Variants in TEX11 observed in about 807,000 individuals in gnomAD.
TEX11 encodes testis-expressed protein 11.
TEX11 carries 7 observed loss-of-function variants against 84.4 expected under a neutral mutation model. The observed-to-expected ratio is 0.08, with a 90% CI of 0.05 to 0.16. TEX11 has a LOEUF of 0.16. Ranked by LOEUF, TEX11 falls within the 10% of genes least tolerant of loss-of-function variation. TEX11 has a pLI of 1.00. For missense variants in TEX11, 551 were observed against 660.5 expected (o/e 0.83, Z 1.82); for synonymous variants, 264 against 222.8 (o/e 1.18, Z -1.64).
intron 4 of TEX11, among the ~76,000 whole-genome samples, chrX:70,871,532 C>G (rs982528072): frequency 8.9e-6 from 1 of 112,168 alleles, no homozygotes; most frequent in Non-Finnish European, 1.9e-5. Context: ...TCCAGGCACA[C>G]TAAATTTGTT....
In TEX11 at chrX:70,907,113, G is replaced by T. The variant is rs372150393; in HGVS notation, c.37+640C>A. Among the ~76,000 whole-genome samples, 5 of 111,660 alleles carry T rather than the reference G, an allele frequency of 4.5e-5. No homozygotes were observed. In the East Asian group the frequency reaches 8.4e-4, roughly 19 times the overall value. On this transcript the variant is annotated intron_variant, in intron 2 of 29. Transcript: ENST00000374333. Reference sequence around the variant, plus strand: ...TGTACTTAAGTCTAAAACTACACAGGATATAATTTATTTTTCACGGATGAT... The same window carrying T: ...TGTACTTAAGTCTAAAACTACACAGTATATAATTTATTTTTCACGGATGAT...
the TEX11 span, among the ~76,000 whole-genome samples, chrX:70,511,475 C>T: frequency 4.5e-5 from 5 of 111,056 alleles, no homozygotes; most frequent in African/African-American, 1.3e-4. Flanking sequence ...TGACATAGGG[C>T]CAGGCACAGT....
chrX:70,857,705 T>G (rs1478820901), intron 5 of TEX11, among the ~76,000 whole-genome samples: 2 of 112,138 alleles, frequency 1.8e-5, no homozygotes, highest in African/African-American at 3.2e-5. Context: ...GTGAAAATCC[T>G]GCAGAACAAA....
chrX:70,778,452 A>AAAC (rs1222446943), intron 9 of TEX11, among the ~76,000 whole-genome samples: 4 of 111,090 alleles, frequency 3.6e-5, no homozygotes, highest in Admixed American at 9.6e-5. Context: ...TAAAACAAAC[A>AAAC]AACAACAACA....
chrX:70,655,739 G>C (rs797010150), intron 16 of TEX11, among the ~76,000 whole-genome samples: 1 of 110,877 alleles, frequency 9.0e-6, no homozygotes, highest in Non-Finnish European at 1.9e-5. Flanking sequence ...TCGACACCTT[G>C]ATTTTGGACT....
intron 16 of TEX11, among the ~76,000 whole-genome samples, chrX:70,657,480 T>G (rs1349197559): frequency 2.8e-5 from 3 of 105,334 alleles, no homozygotes; most frequent in South Asian, 4.0e-4. Context: ...AGCAGCAGCA[T>G]CAGCAGCAGC....
At chrX:70,734,049 C>G (rs1300356050) in intron 11 of TEX11, among the ~76,000 whole-genome samples, 1 of 110,364 alleles carries the variant, frequency 9.1e-6, no homozygotes, top group African/African-American at 3.3e-5. Context: ...CAAACTATCG[C>G]AAGGACAAAA....
At chrX:70,679,272 G>A (rs1217100694) in intron 14 of TEX11, among the ~76,000 whole-genome samples, 1 of 111,365 alleles carries the variant, frequency 9.0e-6, no homozygotes, top group Non-Finnish European at 1.9e-5. Flanking sequence ...GTGCAGTGGC[G>A]TGATCTCGGC....
chrX:70,658,082 A>C (rs1455913111), intron 16 of TEX11, among the ~76,000 whole-genome samples: 1 of 110,753 alleles, frequency 9.0e-6, no homozygotes, highest in East Asian at 2.8e-4. Flanking sequence ...TAATAATAAA[A>C]ATTTAAAAAA....
At chrX:70,700,775 G>A (rs993790547) in intron 13 of TEX11, among the ~76,000 whole-genome samples, 14 of 112,147 alleles carry the variant, frequency 1.2e-4, no homozygotes, top group Admixed American at 4.7e-4. Flanking sequence ...AATTGCGACT[G>A]CAAACAAAAA....
intron 17 of TEX11, among the ~76,000 whole-genome samples, chrX:70,630,273 C>T (rs1342464007): frequency 9.7e-6 from 1 of 103,460 alleles, no homozygotes; most frequent in Non-Finnish European, 2.0e-5. Flanking sequence ...GATCGGGCCA[C>T]TGCACTCTAG....
At chrX:70,745,815 G>T (rs922013674) in intron 9 of TEX11, among the ~76,000 whole-genome samples, 1 of 111,993 alleles carries the variant, frequency 8.9e-6, no homozygotes, top group African/African-American at 3.2e-5. Flanking sequence ...TGCTAACAAA[G>T]ATATAATGCT....
chrX:70,837,007 A>T (rs2091409310), intron 7 of TEX11, among the ~76,000 whole-genome samples: 1 of 111,006 alleles, frequency 9.0e-6, no homozygotes, highest in Non-Finnish European at 1.9e-5. Flanking sequence ...ACAGAGTGAG[A>T]CTCTGTCTCA....
At chrX:70,705,838 GA>G (rs2090368973) in intron 13 of TEX11, among the ~76,000 whole-genome samples, 1 of 111,594 alleles carries the variant, frequency 9.0e-6, no homozygotes, top group Admixed American at 9.6e-5. Context: ...GAAAAAATAG[GA>G]ACACTTTTAC....
chrX:70,782,289 AGCTT>A (rs1293207579), intron 9 of TEX11, among the ~76,000 whole-genome samples: 1 of 111,481 alleles, frequency 9.0e-6, no homozygotes, highest in Admixed American at 9.6e-5. Context: ...GTCACCACCA[AGCTT>A]GCCTTACAAG....
chrX:70,745,528 A>T (rs1278238943), intron 9 of TEX11, among the ~76,000 whole-genome samples: 1 of 110,699 alleles, frequency 9.0e-6, no homozygotes, highest in Non-Finnish European at 1.9e-5. Context: ...TGAGGTCAGG[A>T]GTTTGAGACA....
intron 16 of TEX11, among the ~76,000 whole-genome samples, chrX:70,664,100 G>A (rs371563648): frequency 9.8e-4 from 110 of 111,922 alleles, no homozygotes; most frequent in Non-Finnish European, 1.8e-3. Flanking sequence ...TTCAGTCTGC[G>A]TTTGATTGAA....
chrX:70,759,154 A>T (rs2090890361), intron 9 of TEX11, among the ~76,000 whole-genome samples: 1 of 111,663 alleles, frequency 9.0e-6, no homozygotes, highest in African/African-American at 3.3e-5. Context: ...AAAGTCCAGG[A>T]CCAGACGGAC....
chrX:70,518,033 T>C, the TEX11 span, among the ~76,000 whole-genome samples: 3 of 110,701 alleles, frequency 2.7e-5, no homozygotes, highest in African/African-American at 9.9e-5. Flanking sequence ...TTGGTCTTGG[T>C]AGTGGTCTAT....
Sources: allele counts gnomAD v4.1 joint callset (sites outside exome capture counted in the v4.1 genomes callset), GRCh38; gene constraint gnomAD v4.1.1; transcripts MANE v1.5; gene names NCBI Gene and HGNC (gene_info 2026-07-23, HGNC 2026-07-21).